The following CSMD1 variants were observed in gnomAD, a reference collection of about 807,000 sequenced individuals.
CSMD1 encodes the protein CUB and Sushi multiple domains 1, also known as CUB and sushi domain-containing protein 1.
Under a neutral mutation model 417.5 loss-of-function variants are expected in CSMD1, and 213 were observed. The observed-to-expected ratio is 0.51, with a 90% CI of 0.46 to 0.57. The LOEUF is 0.57. CSMD1 is among the 20% of genes least tolerant of loss of function. The pLI, the probability that CSMD1 is intolerant of heterozygous loss-of-function variation, is 0.00. For missense variants in CSMD1, 6,923 were observed against 4,529.7 expected (o/e 1.53, Z -15.17); for synonymous variants, 2,862 against 1,736.8 (o/e 1.65, Z -16.11).
intron 2 of CSMD1, among the ~76,000 whole-genome samples, chr8:4,503,812 C>G (rs983032669): frequency 1.3e-5 from 2 of 151,984 alleles, no homozygotes; most frequent in Non-Finnish European, 2.9e-5. Context: ...TTGTCATCAC[C>G]TATGTGCGGC....
chr8:3,446,002 A>C (rs908601548), intron 12 of CSMD1, among the ~76,000 whole-genome samples: 4 of 152,208 alleles, frequency 2.6e-5, no homozygotes, highest in Admixed American at 6.5e-5. Context: ...AATGTAATGG[A>C]AAGTCAAAAA....
chr8:3,418,418 T>G (rs1813291415), intron 12 of CSMD1, among the ~76,000 whole-genome samples: 1 of 152,200 alleles, frequency 6.6e-6, no homozygotes, highest in Admixed American at 6.5e-5. Context: ...CCCAGAAAAC[T>G]AAGAGACTGG....
rs958514598 is a variant in CSMD1 at position 3,994,091 on chromosome 8, C to T, written c.818+3812G>A. 5.9e-5 allele frequency among the ~76,000 whole-genome samples: 9 copies of T among 152,324 alleles called. No individual in the cohort carries two copies. In the East Asian group the frequency reaches 1.7e-3, roughly 29 times the overall value. ...GCACACTGAGGCTTCCAGGCTCTGT[C>T]TCAGGGAGCTGAAGCTCAGTCATGG... On this transcript the variant is annotated intron_variant, in intron 5 of 69. Transcript: ENST00000635120.
At chr8:4,332,960 A>G (rs1049034369) in intron 3 of CSMD1, among the ~76,000 whole-genome samples, 18 of 151,950 alleles carry the variant, frequency 1.2e-4, no homozygotes, top group African/African-American at 4.3e-4. Context: ...AAAAAAAACT[A>G]AGATTTCTGC....
At chr8:4,064,042 G>C (rs568318497) in intron 3 of CSMD1, among the ~76,000 whole-genome samples, 98 of 152,314 alleles carry the variant, frequency 6.4e-4, no homozygotes, top group African/African-American at 2.3e-3. Flanking sequence ...CACCAGCTGA[G>C]AGTGAGGGCT....
chr8:4,123,364 A>G (rs1345064496), intron 3 of CSMD1, among the ~76,000 whole-genome samples: 4 of 152,226 alleles, frequency 2.6e-5, no homozygotes, highest in African/African-American at 9.6e-5. Context: ...CACCCATCCC[A>G]TAACGTCCTT....
chr8:4,653,339 C>G (rs1804027931), intron 1 of CSMD1, among the ~76,000 whole-genome samples: 3 of 152,104 alleles, frequency 2.0e-5, no homozygotes, highest in South Asian at 2.1e-4. Context: ...TAAGTAGACT[C>G]AAGTAGGTCA....
chr8:4,794,290 A>G (rs1563405063), intron 1 of CSMD1, among the ~76,000 whole-genome samples: 1 of 152,198 alleles, frequency 6.6e-6, no homozygotes, highest in Non-Finnish European at 1.5e-5. Context: ...CCATTTTGAT[A>G]TTCTTGCAAT....
chr8:4,117,977 G>C (rs926586328), intron 3 of CSMD1, among the ~76,000 whole-genome samples: 1 of 146,076 alleles, frequency 6.8e-6, no homozygotes, highest in Admixed American at 6.8e-5. Context: ...AGTGTACAAA[G>C]GACAAGAGCA....
chr8:4,800,317 C>A (rs113973240), intron 1 of CSMD1, among the ~76,000 whole-genome samples: 2 of 151,526 alleles, frequency 1.3e-5, no homozygotes, highest in African/African-American at 2.4e-5. Flanking sequence ...TGTAATCCCA[C>A]CTACTCGTGA....
chr8:3,898,156 C>G (rs1435272852), intron 5 of CSMD1, among the ~76,000 whole-genome samples: 1 of 152,130 alleles, frequency 6.6e-6, no homozygotes, highest in East Asian at 1.9e-4. Flanking sequence ...GTGGAGTCAA[C>G]TATAAGCCAT....
At chr8:3,308,589 A>T in intron 23 of CSMD1, 86 bp from the exon 24 acceptor site, 1 of 1,097,846 alleles carries the variant, frequency 9.1e-7, no homozygotes, top group East Asian at 2.6e-5. Context: ...AGGTTGCTAA[A>T]TGCTCCTTGA....
At chr8:3,980,661 T>C (rs963035701) in intron 5 of CSMD1, among the ~76,000 whole-genome samples, 4 of 152,218 alleles carry the variant, frequency 2.6e-5, no homozygotes, top group Admixed American at 2.0e-4. Context: ...AATGAAAATA[T>C]ACAAGGGTTT....
intron 26 of CSMD1, among the ~76,000 whole-genome samples, chr8:3,252,140 A>T (rs1403830847): frequency 6.6e-6 from 1 of 152,336 alleles, no homozygotes; most frequent in South Asian, 2.1e-4. Flanking sequence ...GTCTTGTGAC[A>T]GTTTGCAAAG....
chr8:3,600,723 G>A (rs1321818388), intron 8 of CSMD1, among the ~76,000 whole-genome samples: 5 of 152,108 alleles, frequency 3.3e-5, no homozygotes, highest in Non-Finnish European at 7.3e-5. Flanking sequence ...GAGGGATCCA[G>A]GCACCCACCT....
chr8:3,049,152 T>A (rs530635672), intron 50 of CSMD1, among the ~76,000 whole-genome samples: 4 of 152,238 alleles, frequency 2.6e-5, no homozygotes, highest in Admixed American at 6.5e-5. Context: ...AATCCTGCAG[T>A]CTTCTTTGAA....
intron 5 of CSMD1, among the ~76,000 whole-genome samples, chr8:3,818,139 C>T (rs1801502179): frequency 6.6e-6 from 1 of 152,048 alleles, no homozygotes; most frequent in Admixed American, 6.5e-5. Flanking sequence ...AGAGTTTCAG[C>T]TAAGGGTAGT....
At chr8:3,852,188 G>C (rs1193524832) in intron 5 of CSMD1, among the ~76,000 whole-genome samples, 2 of 152,174 alleles carry the variant, frequency 1.3e-5, no homozygotes, top group African/African-American at 4.8e-5. Flanking sequence ...AGTACGGAGA[G>C]TATGTCCCTA....
At chr8:4,285,643 G>T (rs184633363) in intron 3 of CSMD1, among the ~76,000 whole-genome samples, 1 of 152,192 alleles carries the variant, frequency 6.6e-6, no homozygotes, top group Non-Finnish European at 1.5e-5. Flanking sequence ...AGCACAGATG[G>T]TTGGTCTTTG....
Sources: allele counts gnomAD v4.1 joint callset (sites outside exome capture counted in the v4.1 genomes callset), GRCh38; gene constraint gnomAD v4.1.1; transcripts MANE v1.5; gene names NCBI Gene and HGNC (gene_info 2026-07-23, HGNC 2026-07-21).